KLF12: variants seen among roughly 807,000 people sequenced by gnomAD.
KLF12 encodes the protein KLF transcription factor 12.
KLF12 carries 9 observed loss-of-function variants against 37.8 expected under a neutral mutation model. That is an observed-to-expected ratio of 0.24 (90% CI 0.14 to 0.42). KLF12 has a LOEUF of 0.42. Among genes scored for constraint, KLF12 ranks in the 10% least tolerant of loss-of-function variants. The pLI, the probability that KLF12 is intolerant of heterozygous loss-of-function variation, is 1.00. For missense variants in KLF12, 411 were observed against 516.0 expected, an observed-to-expected ratio of 0.80 and a Z score of 1.97; for synonymous variants, 208 against 202.1, an observed-to-expected ratio of 1.03 and a Z score of -0.25.
intron 5 of KLF12, chr13:73,801,888 C>T (rs747720935): frequency 6.6e-6 from 1 of 152,040 alleles, no homozygotes; most frequent in African/African-American, 2.4e-5. Context: ...ACTTAAAAAA[C>T]AAAAGTAAAA....
intron 4 of KLF12, among the ~76,000 whole-genome samples, chr13:73,832,614 T>C (rs1192219711): frequency 6.6e-6 from 1 of 152,216 alleles, no homozygotes; most frequent in African/African-American, 2.4e-5. Flanking sequence ...TGCGGTTTAC[T>C]TAATACGTTT....
At chr13:74,017,658 G>C (rs1214886221) in intron 1 of KLF12, among the ~76,000 whole-genome samples, 1 of 137,928 alleles carries the variant, frequency 7.3e-6, no homozygotes, top group Non-Finnish European at 1.5e-5. Context: ...TGAAGGAAAA[G>C]ATTTTCCTGA....
the KLF12 span, among the ~76,000 whole-genome samples, chr13:74,139,373 GCTT>G: frequency 3.3e-5 from 5 of 152,164 alleles, no homozygotes; most frequent in African/African-American, 1.2e-4. Context: ...ATTAATGAAT[GCTT>G]CTTGAATCAA....
intron 1 of KLF12, among the ~76,000 whole-genome samples, chr13:74,061,520 T>A (rs1191574750): frequency 6.6e-6 from 1 of 152,174 alleles, no homozygotes; most frequent in East Asian, 1.9e-4. Context: ...CTAATTTCCA[T>A]GATACTTCCT....
intron 6 of KLF12, among the ~76,000 whole-genome samples, chr13:73,756,386 T>G (rs763386714): frequency 1.3e-5 from 2 of 152,012 alleles, no homozygotes; most frequent in Non-Finnish European, 2.9e-5. Flanking sequence ...GAAATGAAGG[T>G]TCAAAGTGAT....
intron 2 of KLF12, among the ~76,000 whole-genome samples, chr13:73,945,057 GA>G (rs910471873): frequency 3.3e-5 from 5 of 150,904 alleles, no homozygotes; most frequent in Non-Finnish European, 5.9e-5. Context: ...CTTATTAAGA[GA>G]AAAAAAAATC....
chr13:74,157,586 A>G, the KLF12 span, among the ~76,000 whole-genome samples: 1 of 152,174 alleles, frequency 6.6e-6, no homozygotes, highest in Non-Finnish European at 1.5e-5. Flanking sequence ...GCTCAAAGTG[A>G]TCACTGGAGG....
intron 4 of KLF12, among the ~76,000 whole-genome samples, chr13:73,819,080 T>G (rs1883388937): frequency 6.6e-6 from 1 of 152,234 alleles, no homozygotes; most frequent in Non-Finnish European, 1.5e-5. Flanking sequence ...ACACATTCTA[T>G]GCAGAAATTG....
chr13:73,808,080 T>C (rs998669989), intron 5 of KLF12, among the ~76,000 whole-genome samples: 4 of 152,196 alleles, frequency 2.6e-5, no homozygotes, highest in Admixed American at 2.6e-4. Context: ...TTAATTATAA[T>C]CATTTGCTCT....
chr13:73,793,890 G>T (rs1347337783), intron 5 of KLF12, among the ~76,000 whole-genome samples: 1 of 152,156 alleles, frequency 6.6e-6, no homozygotes, highest in African/African-American at 2.4e-5. Flanking sequence ...ATGACCAAAT[G>T]ACAAAGGACA....
intron 2 of KLF12, among the ~76,000 whole-genome samples, chr13:73,984,771 C>T (rs1316604521): frequency 1.3e-5 from 2 of 152,134 alleles, no homozygotes; most frequent in Non-Finnish European, 2.9e-5. Flanking sequence ...AGAACTAGTT[C>T]CAGAAAAACA....
intron 7 of KLF12, among the ~76,000 whole-genome samples, chr13:73,712,483 C>T (rs978371061): frequency 1.3e-5 from 2 of 152,064 alleles, no homozygotes; most frequent in African/African-American, 4.8e-5. Context: ...AATGTATTCC[C>T]AGTGAAGATG....
At chr13:74,074,410 C>T (rs538315362) in intron 1 of KLF12, among the ~76,000 whole-genome samples, 43 of 152,244 alleles carry the variant, frequency 2.8e-4, no homozygotes, top group African/African-American at 1.0e-3. Context: ...CCTGGGACAG[C>T]CTTCTCTAAC....
At chr13:74,084,449 T>A (rs959842232) in intron 1 of KLF12, among the ~76,000 whole-genome samples, 34 of 152,168 alleles carry the variant, frequency 2.2e-4, no homozygotes, top group African/African-American at 8.0e-4. Context: ...CCATTAGATT[T>A]TAAAGGTCAA....
At chr13:74,112,384 T>TTGTGTGTG (rs67487546) in intron 1 of KLF12, among the ~76,000 whole-genome samples, 3,893 of 145,192 alleles carry the variant, frequency 0.027, 80 homozygotes, top group South Asian at 0.035. Flanking sequence ...TTTGCAGATA[T>TTGTGTGTG]TGTCTGTGTG....
At chr13:74,088,143 C>A (rs1317712962) in intron 1 of KLF12, among the ~76,000 whole-genome samples, 1 of 152,036 alleles carries the variant, frequency 6.6e-6, no homozygotes, top group African/African-American at 2.4e-5. Context: ...GTGAGCTTGG[C>A]CCAAAGACAA....
chr13:74,181,639 C>T, the KLF12 span, among the ~76,000 whole-genome samples: 1 of 145,794 alleles, frequency 6.9e-6, no homozygotes, highest in Non-Finnish European at 1.5e-5. Flanking sequence ...GCAGAGGTTG[C>T]AGTGAGCCAA....
intron 5 of KLF12, chr13:73,801,203 T>C (rs1465487656): frequency 2.6e-5 from 4 of 152,080 alleles, no homozygotes; most frequent in African/African-American, 7.2e-5. Flanking sequence ...GGTAAGTAAA[T>C]GTATTCAATG....
chr13:74,141,066 CAAAA>C, the KLF12 span, among the ~76,000 whole-genome samples: 1 of 144,228 alleles, frequency 6.9e-6, no homozygotes, highest in African/African-American at 2.6e-5. Context: ...CTGTCTCAAA[CAAAA>C]AAAAAAGAAA....
Sources: allele counts gnomAD v4.1 joint callset (sites outside exome capture counted in the v4.1 genomes callset), GRCh38; gene constraint gnomAD v4.1.1; transcripts MANE v1.5; gene names NCBI Gene and HGNC (gene_info 2026-07-23, HGNC 2026-07-21).